The following PTPRD variants were observed in gnomAD, a reference collection of about 807,000 sequenced individuals.
PTPRD encodes receptor-type tyrosine-protein phosphatase delta.
A neutral mutation model predicts 214.5 loss-of-function variants in PTPRD; 34 were observed. That is an observed-to-expected ratio of 0.16 (90% CI 0.12 to 0.21). The LOEUF (loss-of-function observed/expected upper bound fraction) is 0.21. PTPRD is among the 10% of genes least tolerant of loss of function. PTPRD has a pLI of 1.00. For missense variants in PTPRD, 2,545 were observed against 2,398.7 expected, an observed-to-expected ratio of 1.06 and a Z score of -1.27; for synonymous variants, 1,128 against 845.7, an observed-to-expected ratio of 1.33 and a Z score of -5.79.
At chr9:8,472,995 C>T (rs1176435751) in intron 30 of PTPRD, among the ~76,000 whole-genome samples, 2 of 152,104 alleles carry the variant, frequency 1.3e-5, no homozygotes, top group African/African-American at 2.4e-5. Flanking sequence ...GTGTGTGTGG[C>T]ATGTAGCAGT....
At chr9:9,404,687 TC>T (rs1176681830) in intron 8 of PTPRD, among the ~76,000 whole-genome samples, 1 of 152,020 alleles carries the variant, frequency 6.6e-6, no homozygotes, top group Admixed American at 6.6e-5. Context: ...AACCTATAGT[TC>T]AGTGGAGAGT....
chr9:10,313,078 G>A (rs1008646188), intron 3 of PTPRD, among the ~76,000 whole-genome samples: 1 of 151,714 alleles, frequency 6.6e-6, no homozygotes, highest in Non-Finnish European at 1.5e-5. Flanking sequence ...CTCTCCGCAG[G>A]CTTTACTGTT....
At chr9:9,662,176 T>G (rs1199612240) in intron 7 of PTPRD, among the ~76,000 whole-genome samples, 1 of 151,690 alleles carries the variant, frequency 6.6e-6, no homozygotes, top group Non-Finnish European at 1.5e-5. Context: ...CTTGAGAGCT[T>G]GGAAGGCAGT....
At chr9:8,810,488 T>A (rs2096779430) in intron 11 of PTPRD, among the ~76,000 whole-genome samples, 1 of 152,150 alleles carries the variant, frequency 6.6e-6, no homozygotes, top group Non-Finnish European at 1.5e-5. Flanking sequence ...CATTAGGATG[T>A]CCTAAAAAGT....
At chr9:10,461,402 T>C (rs930607863) in intron 2 of PTPRD, among the ~76,000 whole-genome samples, 1 of 151,988 alleles carries the variant, frequency 6.6e-6, no homozygotes, top group African/African-American at 2.4e-5. Flanking sequence ...ATGTTCATTG[T>C]AGCTTTATTC....
At chr9:8,842,344 T>C (rs2097574886) in intron 11 of PTPRD, among the ~76,000 whole-genome samples, 1 of 152,174 alleles carries the variant, frequency 6.6e-6, no homozygotes, top group Admixed American at 6.5e-5. Context: ...CATATTTTTT[T>C]TCTGTTTCTA....
chr9:8,780,049 T>G (rs564168961), intron 11 of PTPRD, among the ~76,000 whole-genome samples: 1 of 151,868 alleles, frequency 6.6e-6, no homozygotes, highest in South Asian at 2.1e-4. Context: ...TTCAAAGTCA[T>G]AAGCCCTCAG....
chr9:8,961,211 G>A (rs1455039109), intron 11 of PTPRD, among the ~76,000 whole-genome samples: 1 of 152,026 alleles, frequency 6.6e-6, no homozygotes, highest in Non-Finnish European at 1.5e-5. Flanking sequence ...TTATGACTGC[G>A]AGCTTTCCAG....
intron 12 of PTPRD, among the ~76,000 whole-genome samples, chr9:8,649,540 C>G (rs1174362809): frequency 1.3e-5 from 2 of 152,098 alleles, no homozygotes; most frequent in Non-Finnish European, 2.9e-5. Flanking sequence ...CAGACACTTT[C>G]AATGAGTAAT....
intron 44 of PTPRD, among the ~76,000 whole-genome samples, chr9:8,326,473 A>T (rs1396397641): frequency 6.6e-6 from 1 of 150,858 alleles, no homozygotes; most frequent in Non-Finnish European, 1.5e-5. Context: ...TCGGTTTGCC[A>T]GTATTTTATT....
chr9:8,950,641 A>G (rs1272065384), intron 11 of PTPRD, among the ~76,000 whole-genome samples: 2 of 152,016 alleles, frequency 1.3e-5, no homozygotes, highest in Non-Finnish European at 2.9e-5. Flanking sequence ...GCAAGTATCC[A>G]TTTTTTCCAA....
At chr9:9,668,557 A>G (rs2154384844) in intron 7 of PTPRD, among the ~76,000 whole-genome samples, 1 of 152,284 alleles carries the variant, frequency 6.6e-6, no homozygotes, top group South Asian at 2.1e-4. Flanking sequence ...CACTGAAATT[A>G]TAAACTAACT....
chr9:9,939,567 G>A (rs2090794491), intron 4 of PTPRD, among the ~76,000 whole-genome samples: 2 of 152,086 alleles, frequency 1.3e-5, no homozygotes, highest in South Asian at 4.1e-4. Flanking sequence ...CCTATTTCTT[G>A]ATCTAACTGC....
At chr9:9,552,320 T>C (rs2080476958) in intron 8 of PTPRD, among the ~76,000 whole-genome samples, 1 of 151,954 alleles carries the variant, frequency 6.6e-6, no homozygotes, top group Admixed American at 6.6e-5. Context: ...GTTTTTGCTT[T>C]TGTTGGATAA....
At chr9:9,593,475 C>G (rs538539094) in intron 7 of PTPRD, among the ~76,000 whole-genome samples, 1 of 151,758 alleles carries the variant, frequency 6.6e-6, no homozygotes, top group Non-Finnish European at 1.5e-5. Flanking sequence ...ATTTTATAGC[C>G]TATAGAAGAC....
At chr9:9,066,823 T>C (rs2099735300) in intron 10 of PTPRD, among the ~76,000 whole-genome samples, 1 of 152,244 alleles carries the variant, frequency 6.6e-6, no homozygotes, top group East Asian at 1.9e-4. Context: ...CAGTGTGATC[T>C]AGCTGACACC....
chr9:8,317,706 G>C lies in PTPRD; in HGVS notation c.*168C>G. On this transcript the variant is annotated 3_prime_UTR_variant, in exon 46 of 46. Transcript: ENST00000381196. ...TTAGATTATTAAACTGTGAATTCTT[G>C]GTCCACCTGGAATAATTTGTTTTTA... is the stretch of plus-strand genomic sequence containing the variant. The C allele has an allele frequency of 5.7e-6, 3 of 527,334 alleles. No homozygotes were observed. The highest frequency in any genetic ancestry group is 3.4e-5 in the South Asian group (1 of 29,576). 32.7% of individuals were successfully genotyped at this position (527,334 alleles called of 1,614,324 possible).
At chr9:8,471,290 G>T (rs1247178990) in intron 30 of PTPRD, among the ~76,000 whole-genome samples, 1 of 152,064 alleles carries the variant, frequency 6.6e-6, no homozygotes, top group African/African-American at 2.4e-5. Flanking sequence ...TGATTGCAGT[G>T]ATCTTGTATG....
chr9:8,577,010 T>C (rs1429996548), intron 14 of PTPRD, among the ~76,000 whole-genome samples: 2 of 152,172 alleles, frequency 1.3e-5, no homozygotes, highest in East Asian at 3.9e-4. Flanking sequence ...CCTTCCACAA[T>C]GCAGCTAGAG....
Sources: allele counts gnomAD v4.1 joint callset (sites outside exome capture counted in the v4.1 genomes callset), GRCh38; gene constraint gnomAD v4.1.1; transcripts MANE v1.5; gene names NCBI Gene and HGNC (gene_info 2026-07-23, HGNC 2026-07-21).